The following KCNK3 variants were observed in gnomAD, a reference collection of about 807,000 sequenced individuals.
The protein encoded by KCNK3 is potassium two pore domain channel subfamily K member 3.
In KCNK3, 9 loss-of-function variants were observed where a neutral mutation model predicts 27.3. That is an observed-to-expected ratio of 0.33 (90% CI 0.20 to 0.57). The LOEUF is 0.57. Ranked by LOEUF, KCNK3 falls within the 20% of genes least tolerant of loss-of-function variation. KCNK3 has a pLI of 0.87. For missense variants in KCNK3, 391 were observed against 577.7 expected, an observed-to-expected ratio of 0.68 and a Z score of 3.31; for synonymous variants, 278 against 273.8, an observed-to-expected ratio of 1.02 and a Z score of -0.15.
At chr2:26,709,220 G>A (rs981632367) in intron 1 of KCNK3, among the ~76,000 whole-genome samples, 1 of 152,224 alleles carries the variant, frequency 6.6e-6, no homozygotes, top group South Asian at 2.1e-4. Flanking sequence ...CAGTTAGACA[G>A]ATAAGTCTGC....
In KCNK3 at chr2:26,728,292, G is replaced by T; in HGVS notation, c.909G>T (p.Val303=). 6.3e-7 allele frequency: 1 copy of T among 1,598,576 alleles called. No individual in the cohort carries two copies. The highest frequency in any genetic ancestry group is 8.5e-7 in the Non-Finnish European group (1 of 1,172,914). The change falls in exon 2 of 2, where the codon GTG becomes GTT. Residue 303 remains valine, a synonymous_variant. Transcript: ENST00000302909. ...GGGFRNVYAE[V]LHFQSMCSCL... The stretch of plus-strand genomic sequence containing the variant: ...GCTTCCGCAACGTCTACGCGGAGGT[G>T]CTGCACTTCCAGTCCATGTGCTCGT...
intron 1 of KCNK3, among the ~76,000 whole-genome samples, chr2:26,718,589 C>T (rs1409836337): frequency 6.6e-6 from 1 of 151,756 alleles, no homozygotes; most frequent in Non-Finnish European, 1.5e-5. Flanking sequence ...TGTGTGTGTA[C>T]TCATACAAAA....
intron 1 of KCNK3, among the ~76,000 whole-genome samples, chr2:26,711,078 A>AG (rs1663102269): frequency 6.6e-6 from 1 of 152,144 alleles, no homozygotes; most frequent in Non-Finnish European, 1.5e-5. Context: ...GACTGGCTCC[A>AG]GGGGGGTTCT....
At chr2:26,700,292 C>A (rs773153945) in intron 1 of KCNK3, among the ~76,000 whole-genome samples, 1 of 152,232 alleles carries the variant, frequency 6.6e-6, no homozygotes, top group East Asian at 1.9e-4. Flanking sequence ...AGCAGTCAAC[C>A]GCCCAGCTGA....
intron 1 of KCNK3, among the ~76,000 whole-genome samples, chr2:26,712,293 G>A (rs144048070): frequency 1.1e-3 from 170 of 152,294 alleles, no homozygotes; most frequent in Non-Finnish European, 2.2e-3. Context: ...CTGTCTCCAC[G>A]GAGGACAGAC....
chr2:26,710,424 C>T (rs1222953005), intron 1 of KCNK3, among the ~76,000 whole-genome samples: 1 of 152,192 alleles, frequency 6.6e-6, no homozygotes, highest in Non-Finnish European at 1.5e-5. Context: ...GGCCCAAGTC[C>T]TAAATAGGGA....
intron 1 of KCNK3, among the ~76,000 whole-genome samples, chr2:26,705,788 G>T (rs961349120): frequency 1.3e-5 from 2 of 152,070 alleles, no homozygotes; most frequent in Admixed American, 6.6e-5. Flanking sequence ...ACAGAGTGAC[G>T]GTTCTTAAGA....
chr2:26,709,501 G>C (rs1376266971), intron 1 of KCNK3, among the ~76,000 whole-genome samples: 1 of 152,158 alleles, frequency 6.6e-6, no homozygotes, highest in African/African-American at 2.4e-5. Context: ...CCACTGCTTA[G>C]AGGTCAAATA....
At chr2:26,710,818 A>G (rs1161214791) in intron 1 of KCNK3, among the ~76,000 whole-genome samples, 1 of 152,118 alleles carries the variant, frequency 6.6e-6, no homozygotes, top group African/African-American at 2.4e-5. Flanking sequence ...ACACCCAGAC[A>G]CCACGGAGGT....
At chr2:26,704,047 A>G (rs1670340070) in intron 1 of KCNK3, among the ~76,000 whole-genome samples, 1 of 152,146 alleles carries the variant, frequency 6.6e-6, no homozygotes, top group Admixed American at 6.5e-5. Context: ...CAATGACCCC[A>G]GTTGAAGCAG....
At chr2:26,725,325 G>A (rs1663396685) in intron 1 of KCNK3, among the ~76,000 whole-genome samples, 1 of 152,198 alleles carries the variant, frequency 6.6e-6, no homozygotes, top group Non-Finnish European at 1.5e-5. Flanking sequence ...GGCTCTGGCG[G>A]GCAGCGAGGG....
intron 1 of KCNK3, among the ~76,000 whole-genome samples, chr2:26,695,047 C>T (rs1198987557): frequency 6.6e-6 from 1 of 152,148 alleles, no homozygotes; most frequent in Non-Finnish European, 1.5e-5. Flanking sequence ...GGAATCTGGT[C>T]TATGCTCCTT....
chr2:26,709,355 G>A (rs1050986451), intron 1 of KCNK3, among the ~76,000 whole-genome samples: 4 of 152,194 alleles, frequency 2.6e-5, no homozygotes, highest in South Asian at 2.1e-4. Flanking sequence ...AGAGCAGAGC[G>A]CCCAGCCCTT....
chr2:26,706,692 C>T (rs1049047607), intron 1 of KCNK3, among the ~76,000 whole-genome samples: 1 of 152,160 alleles, frequency 6.6e-6, no homozygotes, highest in African/African-American at 2.4e-5. Context: ...GCCCTGGAGT[C>T]CCGAGCACTC....
intron 1 of KCNK3, among the ~76,000 whole-genome samples, chr2:26,710,163 C>T (rs990230256): frequency 2.0e-5 from 3 of 152,224 alleles, no homozygotes; most frequent in African/African-American, 7.2e-5. Context: ...TAACCAAGAG[C>T]TTTGCAGGGA....
chr2:26,697,551 G>A (rs900526249), intron 1 of KCNK3, among the ~76,000 whole-genome samples: 2 of 152,072 alleles, frequency 1.3e-5, no homozygotes, highest in African/African-American at 2.4e-5. Context: ...CTTCCTGCTC[G>A]AGCACACTCC....
At chr2:26,695,944 T>C (rs1178351084) in intron 1 of KCNK3, among the ~76,000 whole-genome samples, 2 of 152,118 alleles carry the variant, frequency 1.3e-5, no homozygotes, top group Non-Finnish European at 2.9e-5. Flanking sequence ...CCACTGTGGC[T>C]ATGCCACCTT....
At chr2:26,716,417 A>G (rs2148264964) in intron 1 of KCNK3, among the ~76,000 whole-genome samples, 1 of 152,290 alleles carries the variant, frequency 6.6e-6, no homozygotes, top group South Asian at 2.1e-4. Context: ...ACTCAAAAAC[A>G]CCTGCTGGTT....
chr2:26,731,321 C>G lies in KCNK3; in HGVS notation c.*2753C>G, dbSNP rs1316151118. 6.6e-6 allele frequency: 1 copy of G among 152,296 alleles called. No individual in the cohort carries two copies. Among genetic ancestry groups the G allele is most frequent in the Non-Finnish European group, 1.5e-5 (1 of 68,140 alleles). 9.4% of individuals were successfully genotyped at this position (152,296 alleles called of 1,614,324 possible). A position where few individuals can be genotyped will look rare whatever the true frequency, so the allele number is the denominator to read the frequency against. On this transcript the variant is annotated 3_prime_UTR_variant, in exon 2 of 2. Transcript: ENST00000302909. The stretch of plus-strand genomic sequence containing the variant: ...AGCTGCTGGGTGCCGTGGCTCACAC[C>G]TATAGTCACAGCACTAGGCGGGCAG...
Sources: allele counts gnomAD v4.1 joint callset (sites outside exome capture counted in the v4.1 genomes callset), GRCh38; gene constraint gnomAD v4.1.1; transcripts MANE v1.5; gene names NCBI Gene and HGNC (gene_info 2026-07-23, HGNC 2026-07-21).